ADAMTS18: variants seen among roughly 807,000 people sequenced by gnomAD.
ADAMTS18 encodes A disintegrin and metalloproteinase with thrombospondin motifs 18.
In ADAMTS18, 157 loss-of-function variants were observed where a neutral mutation model predicts 165.9. That is an observed-to-expected ratio of 0.95 (90% CI 0.83 to 1.08). The LOEUF (loss-of-function observed/expected upper bound fraction) is 1.08, where lower values mean the gene tolerates loss of function less well. ADAMTS18 is among the 50% of genes least tolerant of loss of function. ADAMTS18 has a pLI of 0.00. For missense variants in ADAMTS18, 2,040 were observed against 1,534.0 expected, an observed-to-expected ratio of 1.33 and a Z score of -5.51; for synonymous variants, 782 against 578.2, an observed-to-expected ratio of 1.35 and a Z score of -5.06.
At chr16:77,301,472 A>C (rs1358823251) in intron 16 of ADAMTS18, among the ~76,000 whole-genome samples, 2 of 152,216 alleles carry the variant, frequency 1.3e-5, no homozygotes, top group African/African-American at 2.4e-5. Context: ...TTTCTTTTCC[A>C]AGCTGAAAGC....
intron 3 of ADAMTS18, among the ~76,000 whole-genome samples, chr16:77,406,303 A>T (rs150170537): frequency 6.6e-6 from 1 of 152,298 alleles, no homozygotes; most frequent in Admixed American, 6.5e-5. Flanking sequence ...GGTATAAATT[A>T]TTAGAGAATT....
At chr16:77,289,605 G>A (rs1238764894) in intron 21 of ADAMTS18, 194 bp from the exon 22 acceptor site, 1 of 659,742 alleles carries the variant, frequency 1.5e-6, no homozygotes, top group African/African-American at 1.8e-5. Context: ...TGATTAGAAG[G>A]GTTTTAGGCA....
intron 16 of ADAMTS18, among the ~76,000 whole-genome samples, chr16:77,311,277 T>C (rs1037544226): frequency 2.6e-5 from 4 of 152,174 alleles, no homozygotes; most frequent in Non-Finnish European, 5.9e-5. Flanking sequence ...GGAACAGCAT[T>C]TTTCATTTTA....
chr16:77,334,704 A>G (rs1357336657), intron 12 of ADAMTS18, among the ~76,000 whole-genome samples: 1 of 108,444 alleles, frequency 9.2e-6, no homozygotes, highest in Non-Finnish European at 1.8e-5. Context: ...GTATATATAT[A>G]CTGTATACTA....
At chr16:77,428,333 T>C (rs142509191) in intron 3 of ADAMTS18, among the ~76,000 whole-genome samples, 110 of 152,272 alleles carry the variant, frequency 7.2e-4, no homozygotes, top group Non-Finnish European at 1.2e-3. Context: ...TCTATTACTA[T>C]AGATGCTAAT....
chr16:77,290,989 T>G, intron 21 of ADAMTS18: 2 of 403,596 alleles, frequency 5.0e-6, no homozygotes, highest in Non-Finnish European at 4.6e-6. Context: ...ATTAGCAGTG[T>G]ATAACTGGCC....
rs1330972973 is a variant in ADAMTS18 at position 77,282,235 on chromosome 16, A to C, written c.*1721T>G. On this transcript the variant is annotated 3_prime_UTR_variant, in exon 23 of 23. Transcript: ENST00000282849. ...AATCCATGGTTTTATTCAACATTTT[A>C]TCTCAAAATATTACTTAGAGAAGCA... The C allele has an allele frequency of 6.6e-6, 1 of 152,164 alleles. No individual in the cohort carries two copies. Among genetic ancestry groups the C allele is most frequent in the Non-Finnish European group, 1.5e-5 (1 of 68,026 alleles). The allele number at this position is 152,164 out of a possible 1,614,324, so 9.4% of individuals were successfully genotyped here.
intron 3 of ADAMTS18, among the ~76,000 whole-genome samples, chr16:77,427,663 A>G (rs943958647): frequency 2.0e-5 from 3 of 152,176 alleles, no homozygotes; most frequent in Admixed American, 6.5e-5. Flanking sequence ...TAAAACAATC[A>G]TCTCTAAACA....
rs115406821 is a variant in ADAMTS18 at position 77,426,094 on chromosome 16, G to C, written c.495+5201C>G. Reference sequence around the variant, plus strand: ...TTGGTGGGGAGGAGTGGTCAAATTAGTATGGAAATCCTACCTCTTGGCACT... The same window carrying C: ...TTGGTGGGGAGGAGTGGTCAAATTACTATGGAAATCCTACCTCTTGGCACT... On this transcript the variant is annotated intron_variant, in intron 3 of 22. Transcript: ENST00000282849. 8.5e-3 allele frequency among the ~76,000 whole-genome samples: 1,293 copies of C among 152,080 alleles called. 21 individuals carry two copies. The highest frequency in any genetic ancestry group is 0.029 in the African/African-American group (1,208 of 41,484).
At chr16:77,325,302 T>C (rs1174115622) in intron 13 of ADAMTS18, among the ~76,000 whole-genome samples, 1 of 152,190 alleles carries the variant, frequency 6.6e-6, no homozygotes, top group African/African-American at 2.4e-5. Flanking sequence ...AATGTTTTAT[T>C]ATTCAGTCAA....
chr16:77,382,274 G>C (rs893407709), intron 3 of ADAMTS18, among the ~76,000 whole-genome samples: 1 of 152,110 alleles, frequency 6.6e-6, no homozygotes, highest in Non-Finnish European at 1.5e-5. Flanking sequence ...GCAGTGGCGC[G>C]ATCTCGGCTC....
chr16:77,316,461 G>T (rs901535919), intron 16 of ADAMTS18, among the ~76,000 whole-genome samples: 5 of 151,730 alleles, frequency 3.3e-5, no homozygotes, highest in African/African-American at 1.2e-4. Flanking sequence ...TCACCATATT[G>T]GCCAGGATGG....
chr16:77,388,844 T>C (rs1210985728), intron 3 of ADAMTS18, among the ~76,000 whole-genome samples: 1 of 152,214 alleles, frequency 6.6e-6, no homozygotes, highest in African/African-American at 2.4e-5. Flanking sequence ...AGGAGTAGTA[T>C]CTCATGCCTA....
intron 10 of ADAMTS18, 108 bp from the exon 11 acceptor site, chr16:77,341,907 G>A (rs2056404469): frequency 2.2e-6 from 2 of 898,644 alleles, no homozygotes; most frequent in Admixed American, 4.4e-5. Context: ...TGAAATCAGA[G>A]CAATTATTCA....
chr16:77,398,689 G>C (rs1005987170), intron 3 of ADAMTS18, among the ~76,000 whole-genome samples: 2 of 152,058 alleles, frequency 1.3e-5, no homozygotes, highest in African/African-American at 2.4e-5. Flanking sequence ...AGCATTCCTG[G>C]CCTCTACCCA....
chr16:77,377,568 A>G (rs1391053501), intron 3 of ADAMTS18, among the ~76,000 whole-genome samples: 1 of 152,382 alleles, frequency 6.6e-6, no homozygotes, highest in Non-Finnish European at 1.5e-5. Flanking sequence ...CATGGGCAGT[A>G]TCATTATTCT....
At chr16:77,405,185 T>C (rs1432177961) in intron 3 of ADAMTS18, among the ~76,000 whole-genome samples, 1 of 152,152 alleles carries the variant, frequency 6.6e-6, no homozygotes, top group African/African-American at 2.4e-5. Context: ...CTCAGACACA[T>C]GTTGACAGCT....
chr16:77,338,847 G>A (rs1051825318), intron 11 of ADAMTS18, among the ~76,000 whole-genome samples: 6 of 151,544 alleles, frequency 4.0e-5, no homozygotes, highest in African/African-American at 7.3e-5. Context: ...CCAGCTACTC[G>A]GGAGGCTGAG....
At chr16:77,297,244 A>C in intron 18 of ADAMTS18, 45 bp downstream of exon 18, 2 of 1,611,978 alleles carry the variant, frequency 1.2e-6, no homozygotes, top group Non-Finnish European at 1.7e-6. Context: ...CAATGAAGGC[A>C]TACAAGTACA....
Sources: allele counts gnomAD v4.1 joint callset (sites outside exome capture counted in the v4.1 genomes callset), GRCh38; gene constraint gnomAD v4.1.1; transcripts MANE v1.5; gene names NCBI Gene and HGNC (gene_info 2026-07-23, HGNC 2026-07-21).